DYNC1H1: variants seen among roughly 807,000 people sequenced by gnomAD.
The protein encoded by DYNC1H1 is cytoplasmic dynein 1 heavy chain 1.
Under a neutral mutation model 527.1 loss-of-function variants are expected in DYNC1H1, and 51 were observed. The observed-to-expected ratio is 0.10, with a 90% CI of 0.08 to 0.12. DYNC1H1 has a LOEUF of 0.12. Among genes scored for constraint, DYNC1H1 ranks in the 10% least tolerant of loss-of-function variants. The pLI is 1.00. For missense variants in DYNC1H1, 2,771 were observed against 5,971.8 expected (o/e 0.46, Z 17.66); for synonymous variants, 2,189 against 2,278.8 (o/e 0.96, Z 1.12).
rs995592300 is a variant in DYNC1H1, at chr14:102,052,946, C to T, written c.*2383C>T. 1 of 152,206 alleles carries T rather than the reference C, an allele frequency of 6.6e-6. No homozygotes were observed. Among genetic ancestry groups the T allele is most frequent in the Non-Finnish European group, 1.5e-5 (1 of 68,056 alleles). 9.4% of individuals were successfully genotyped at this position (152,206 alleles called of 1,614,324 possible). ...GTCACCCAGAGAACAGTCGTTGCAG[C>T]TCCAGTTGGAATGACTGGGGGTGTC... On this transcript the variant is annotated 3_prime_UTR_variant, in exon 78 of 78. Transcript: ENST00000360184.
rs1320155365 is a variant in DYNC1H1 at position 102,010,196 on chromosome 14, C to A, written c.6222-80C>A. On this transcript the variant is annotated intron_variant, in intron 30 of 77. Transcript: ENST00000360184. This position sits in a 1 kb window ranked among gnomAD's most constrained non-coding sequence, Gnocchi z 6.0. ...ATGGTACGTCTTTCAAAATATCCATCTCTGGTTTCTTGACACTTGACCCTA... is the reference window on the plus strand; with the variant it reads ...ATGGTACGTCTTTCAAAATATCCATATCTGGTTTCTTGACACTTGACCCTA... The A allele has an allele frequency of 6.2e-7, 1 of 1,611,990 alleles. No individual in the cohort carries two copies. Among genetic ancestry groups the A allele is most frequent in the African/African-American group, 1.3e-5 (1 of 74,748 alleles).
Position 101,997,388 on chromosome 14 carries a change from T to C in DYNC1H1, c.3804+114T>C. ...GACTGAGCTTTCTAGTATTGAAGAC[T>C]CTTTTCCTTTTTGTAGTTAAAAAAG... On this transcript the variant is annotated intron_variant, in intron 16 of 77. Coordinates refer to ENST00000360184, the MANE Select transcript of DYNC1H1 (RefSeq NM_001376.5). The surrounding 1 kb of genome is among the most constrained non-coding windows in gnomAD (Gnocchi z 4.8). 6.5e-7 allele frequency: 1 copy of C among 1,539,700 alleles called. No homozygotes were observed. Among genetic ancestry groups the C allele is most frequent in the Non-Finnish European group, 8.8e-7 (1 of 1,138,320 alleles).
At chr14:102,032,590 G>C (rs1047889837) in intron 52 of DYNC1H1, 123 bp downstream of exon 52, 2 of 1,279,152 alleles carry the variant, frequency 1.6e-6, no homozygotes, top group Admixed American at 3.9e-5. Context: ...AGTGGCTCAC[G>C]GCTCCAATCC....
At position 101,979,585 on chromosome 14, in the gene DYNC1H1, T is replaced by C; in HGVS notation, c.518+93T>C. Reference sequence around the variant, plus strand: ...AACTTGGGAATTGGGAGGGTAACGCTAGTGAGCCGAGGGGATATAAACCCT... The same window carrying C: ...AACTTGGGAATTGGGAGGGTAACGCCAGTGAGCCGAGGGGATATAAACCCT... On this transcript the variant is annotated intron_variant, in intron 3 of 77. Coordinates refer to ENST00000360184, the MANE Select transcript of DYNC1H1 (RefSeq NM_001376.5). This position sits in a 1 kb window ranked among gnomAD's most constrained non-coding sequence, Gnocchi z 4.6. 6.2e-7 allele frequency: 1 copy of C among 1,606,608 alleles called. No homozygotes were observed. The highest frequency in any genetic ancestry group is 1.1e-5 in the South Asian group (1 of 90,450).
At position 102,044,415 on chromosome 14, in the gene DYNC1H1, A is replaced by G. The variant is rs1363506540; in HGVS notation, c.12826A>G (p.Arg4276Gly). The G allele has an allele frequency of 6.2e-7, 1 of 1,614,094 alleles. No individual in the cohort carries two copies. Among genetic ancestry groups the G allele is most frequent in the Admixed American group, 1.7e-5 (1 of 60,012 alleles). ...CTTCCTGGAGCGCCTGTTCACAACC[A>G]GGAGTTTCGACAGTGAGTTTAAGCT... ...NTFLERLFTT[R>G]SFDSEFKLAC... The change falls in exon 71 of 78, where the codon AGG becomes GGG. Residue 4276 changes from arginine (R) to glycine (G), a missense_variant. Arg to Gly is a moderately radical substitution (Grantham distance 125, BLOSUM62 -2). Coordinates refer to ENST00000360184, the MANE Select transcript of DYNC1H1 (RefSeq NM_001376.5). The surrounding 1 kb of genome is among the most constrained non-coding windows in gnomAD (Gnocchi z 7.1).
chr14:102,033,954 T>C lies in DYNC1H1; in HGVS notation c.10414-22T>C. 6.2e-7 allele frequency: 1 copy of C among 1,613,146 alleles called. No homozygotes were observed. The highest frequency in any genetic ancestry group is 8.5e-7 in the Non-Finnish European group (1 of 1,179,670). On this transcript the variant is annotated intron_variant, in intron 54 of 77. Transcript: ENST00000360184. This position sits in a 1 kb window ranked among gnomAD's most constrained non-coding sequence, Gnocchi z 5.6. ...TCCTGAAAGGCCTCATCCCTGAGCA[T>C]CTTGTTCGGTTTTCCTTTTAGGTAA...
rs780271275 is a variant in DYNC1H1, at chr14:102,044,354, C to G, written c.12765C>G (p.Arg4255=). Residue 4255 remains arginine (R), a synonymous_variant, in exon 71 of 78, where the codon CGC becomes CGG. Transcript: ENST00000360184. This position sits in a 1 kb window ranked among gnomAD's most constrained non-coding sequence, Gnocchi z 7.1. ...TGGCCCAGTCCATTTATGGCGGGCG[C>G]GTGGACAACGAGTTTGACCAGCGTC... ...TLMAQSIYGG[R]VDNEFDQRLL... 6.2e-7 allele frequency: 1 copy of G among 1,613,580 alleles called. No homozygotes were observed. Among genetic ancestry groups the G allele is most frequent in the Non-Finnish European group, 8.5e-7 (1 of 1,179,900 alleles).
At position 102,054,121 on chromosome 14, in the gene DYNC1H1, A is replaced by G. The variant is rs994308774; in HGVS notation, c.*3558A>G. The G allele has an allele frequency of 2.0e-5, 3 of 152,274 alleles. No individual in the cohort carries two copies. Among genetic ancestry groups the G allele is most frequent in the Non-Finnish European group, 4.4e-5 (3 of 68,072 alleles). 9.4% of individuals were successfully genotyped at this position (152,274 alleles called of 1,614,324 possible). On this transcript the variant is annotated 3_prime_UTR_variant, in exon 78 of 78. Transcript: ENST00000360184. Reference sequence around the variant, plus strand: ...GAGAGCCCGCCACCACTGGGGACTCAGCCTGAGCCTTGTTCCCAGAAAGCC... The same window carrying G: ...GAGAGCCCGCCACCACTGGGGACTCGGCCTGAGCCTTGTTCCCAGAAAGCC...
rs3067915 is a variant in DYNC1H1 at position 102,053,755 on chromosome 14, T to TTTTTG, written c.*3196_*3197insGTTTT. The TTTTTG allele has an allele frequency of 0.091, 12,958 of 142,768 alleles. 991 individuals are homozygous for TTTTTG. Among genetic ancestry groups the TTTTTG allele is most frequent in the East Asian group, 0.24 (1,150 of 4,828 alleles). The allele number at this position is 142,768 out of a possible 1,614,324, so 8.8% of individuals were successfully genotyped here. On this transcript the variant is annotated 3_prime_UTR_variant, in exon 78 of 78. Coordinates refer to ENST00000360184, the MANE Select transcript of DYNC1H1 (RefSeq NM_001376.5). The stretch of plus-strand genomic sequence containing the variant: ...CCACACTCGGCCTCTTTGTTTGTTT[T>TTTTTG]TTTTTTTTTTTGAGACAGTCTGGCT...
In DYNC1H1 at chr14:102,038,064, T is replaced by A; in HGVS notation, c.10909-396T>A. The A allele has an allele frequency of 2.9e-6, 1 of 343,710 alleles. No individual in the cohort carries two copies. The highest frequency in any genetic ancestry group is 7.6e-5 in the East Asian group (1 of 13,094). The allele number at this position is 343,710 out of a possible 1,614,324, so 21.3% of individuals were successfully genotyped here. A position where few individuals can be genotyped will look rare whatever the true frequency, so the allele number is the denominator to read the frequency against. ...CAGAGTGTTGCTCTGTCCCCCAGTC[T>A]GAACCTCCCAGGTTCAAGCAATTCT... is the stretch of plus-strand genomic sequence containing the variant. On this transcript the variant is annotated intron_variant, in intron 57 of 77. Coordinates refer to ENST00000360184, the MANE Select transcript of DYNC1H1 (RefSeq NM_001376.5). The surrounding 1 kb of genome is among the most constrained non-coding windows in gnomAD (Gnocchi z 7.2).
At chr14:101,974,664 T>G (rs1269555601) in intron 1 of DYNC1H1, among the ~76,000 whole-genome samples, 1 of 152,200 alleles carries the variant, frequency 6.6e-6, no homozygotes, top group Non-Finnish European at 1.5e-5. Context: ...TGAGGCTACC[T>G]TACTATTAAT....
rs1469542345 is a variant in DYNC1H1, at chr14:102,039,753, A to G, written c.11690+21A>G. On this transcript the variant is annotated intron_variant, in intron 62 of 77. Transcript: ENST00000360184. This position sits in a 1 kb window ranked among gnomAD's most constrained non-coding sequence, Gnocchi z 7.0. ...GTGGGGTAAGAGCACTCACGCCCAC[A>G]GGAGGATGCCATATTGCTGGTGGCC... 6.2e-7 allele frequency: 1 copy of G among 1,613,648 alleles called. No individual in the cohort carries two copies. Among genetic ancestry groups the G allele is most frequent in the Non-Finnish European group, 8.5e-7 (1 of 1,179,734 alleles).
At position 102,002,411 on chromosome 14, in the gene DYNC1H1, A is replaced by G; in HGVS notation, c.4543-126A>G. 2.3e-6 allele frequency: 3 copies of G among 1,321,066 alleles called. No homozygotes were observed. The Admixed American group carries it at 5.3e-5, about 23-fold the overall frequency. The allele number at this position is 1,321,066 out of a possible 1,614,324, so 81.8% of individuals were successfully genotyped here. A position where few individuals can be genotyped will look rare whatever the true frequency, so the allele number is the denominator to read the frequency against. On this transcript the variant is annotated intron_variant, in intron 21 of 77. Coordinates refer to ENST00000360184, the MANE Select transcript of DYNC1H1 (RefSeq NM_001376.5). This position sits in a 1 kb window ranked among gnomAD's most constrained non-coding sequence, Gnocchi z 4.4. The stretch of plus-strand genomic sequence containing the variant: ...CAGGCGTGAGCCACCACACCCGTCT[A>G]CTTGTTGTTTAAAATGTGAATCAGA...
intron 15 of DYNC1H1, 40 bp from the exon 16 acceptor site, chr14:101,996,995 T>G (rs745318791): frequency 6.3e-7 from 1 of 1,589,602 alleles, no homozygotes; most frequent in Non-Finnish European, 8.6e-7. Flanking sequence ...CTATCATTGT[T>G]ATAGAAGAAA....
chr14:102,012,226 G>A lies in DYNC1H1; in HGVS notation c.6858-88G>A. 1.2e-6 allele frequency: 2 copies of A among 1,612,500 alleles called. No homozygotes were observed. The highest frequency in any genetic ancestry group is 3.3e-5 in the Admixed American group (2 of 60,016). ...TCAACCAAAGTCTGAGCAAATTAAA[G>A]GTCATTTCAGAAACCATCATCGGTA... is the stretch of plus-strand genomic sequence containing the variant. On this transcript the variant is annotated intron_variant, in intron 33 of 77. Coordinates refer to ENST00000360184, the MANE Select transcript of DYNC1H1 (RefSeq NM_001376.5). This position sits in a 1 kb window ranked among gnomAD's most constrained non-coding sequence, Gnocchi z 4.9.
chr14:102,030,321 G>T, intron 51 of DYNC1H1, 39 bp downstream of exon 51: 2 of 1,613,876 alleles, frequency 1.2e-6, no homozygotes, highest in Admixed American at 1.7e-5. Flanking sequence ...TCTAGGAAGG[G>T]TGGTCTCCGT....
intron 10 of DYNC1H1, 123 bp from the exon 11 acceptor site, chr14:101,991,404 A>G: frequency 8.2e-7 from 1 of 1,218,048 alleles, no homozygotes. Context: ...GGCGGAGGTT[A>G]CAGTGAGCCA....
chr14:101,984,437 A>G (rs868813797), intron 7 of DYNC1H1, among the ~76,000 whole-genome samples: 2,350 of 123,180 alleles, frequency 0.019, 49 homozygotes, highest in African/African-American at 0.069. Flanking sequence ...GTGTGTATAT[A>G]TATATATATT....
intron 34 of DYNC1H1, among the ~76,000 whole-genome samples, chr14:102,014,342 T>C (rs191780302): frequency 1.7e-3 from 257 of 152,212 alleles, no homozygotes; most frequent in African/African-American, 5.7e-3. Flanking sequence ...GAGACCAACC[T>C]GACCAACATG....
Sources: gnomAD v4.1 joint callset for allele counts (sites outside exome capture counted in the v4.1 genomes callset) on GRCh38, gnomAD v4.1.1 for gene constraint, Gnocchi (gnomAD v3.1) non-coding constraint, MANE v1.5 for transcripts, NCBI Gene and HGNC (gene_info 2026-07-23, HGNC 2026-07-21) for gene names.